The following ARHGEF10L variants were observed in gnomAD, a reference collection of about 807,000 sequenced individuals.
ARHGEF10L encodes rho guanine nucleotide exchange factor 10-like protein.
In ARHGEF10L, 69 loss-of-function variants were observed where a neutral mutation model predicts 141.2. The observed-to-expected ratio is 0.49, with a 90% CI of 0.40 to 0.60. The LOEUF (loss-of-function observed/expected upper bound fraction) is 0.60. Ranked by LOEUF, ARHGEF10L falls within the 20% of genes least tolerant of loss-of-function variation. The pLI is 0.00. For synonymous variants in ARHGEF10L, 711 were observed against 718.5 expected (o/e 0.99, Z 0.17); for missense variants, 1,482 against 1,734.3 (o/e 0.85, Z 2.58).
Position 17,664,348 on chromosome 1 carries a change from T to A in ARHGEF10L, c.2861-99T>A. 4.5e-6 allele frequency: 6 copies of A among 1,334,212 alleles called. No individual in the cohort carries two copies. In the South Asian group the frequency reaches 5.7e-5, roughly 13 times the overall value. 82.6% of individuals were successfully genotyped at this position (1,334,212 alleles called of 1,614,324 possible). On this transcript the variant is annotated intron_variant, in intron 25 of 28. Coordinates refer to ENST00000361221, the MANE Select transcript of ARHGEF10L (RefSeq NM_018125.4). ...AAGGCCCTGGAGAGCGGGGAGAGGG[T>A]GTGGGGGGCCCTGCTGAGCCCCCTG... is the stretch of plus-strand genomic sequence containing the variant.
At chr1:17,547,827 G>A (rs2076970236) in intron 1 of ARHGEF10L, among the ~76,000 whole-genome samples, 1 of 152,140 alleles carries the variant, frequency 6.6e-6, no homozygotes, top group African/African-American at 2.4e-5. Flanking sequence ...CAATATTGTG[G>A]TGCATATCAT....
chr1:17,656,466 G>A lies in ARHGEF10L; in HGVS notation c.2706-88G>A. ...CGTGGCTGAGAGGGGTCAGCTCCCT[G>A]GGGCCCTCTCCCTAGGAGGGCATGG... On this transcript the variant is annotated intron_variant, in intron 24 of 28. Coordinates refer to ENST00000361221, the MANE Select transcript of ARHGEF10L (RefSeq NM_018125.4). The surrounding 1 kb of genome is among the most constrained non-coding windows in gnomAD (Gnocchi z 4.9). The A allele has an allele frequency of 6.8e-7, 1 of 1,477,382 alleles. No homozygotes were observed. The highest frequency in any genetic ancestry group is 9.2e-7 in the Non-Finnish European group (1 of 1,085,922). 91.5% of individuals were successfully genotyped at this position (1,477,382 alleles called of 1,614,324 possible). A position where few individuals can be genotyped will look rare whatever the true frequency, so the allele number is the denominator to read the frequency against.
intron 7 of ARHGEF10L, 113 bp from the exon 8 acceptor site, chr1:17,612,945 G>C (rs531783390): frequency 4.1e-6 from 3 of 726,668 alleles, no homozygotes; most frequent in Non-Finnish European, 7.2e-6. Flanking sequence ...CGAGCTGTCC[G>C]TCCGCACTTT....
chr1:17,656,235 CACCAG>C lies in ARHGEF10L; in HGVS notation c.2705+135_2705+139del. 1 of 1,145,596 alleles carries C rather than the reference CACCAG, an allele frequency of 8.7e-7. No homozygotes were observed. Among genetic ancestry groups the C allele is most frequent in the Non-Finnish European group, 1.2e-6 (1 of 812,750 alleles). The allele number at this position is 1,145,596 out of a possible 1,614,324, so 71.0% of individuals were successfully genotyped here. On this transcript the variant is annotated intron_variant, in intron 24 of 28. Coordinates refer to ENST00000361221, the MANE Select transcript of ARHGEF10L (RefSeq NM_018125.4). This position sits in a 1 kb window ranked among gnomAD's most constrained non-coding sequence, Gnocchi z 4.9. ...TGCCCCTGGTCTCCAGGAAGGTGGG[CACCAG>C]AGCTGCCCAGTGTGGGAGCCAAAGT...
Position 17,640,262 on chromosome 1 carries a change from T to A in ARHGEF10L, c.2232T>A (p.Ile744=), listed in dbSNP as rs1199915155. 6.2e-7 allele frequency: 1 copy of A among 1,613,410 alleles called. No homozygotes were observed. The highest frequency in any genetic ancestry group is 1.7e-5 in the Admixed American group (1 of 59,930). The change falls in exon 21 of 29, where the codon ATT becomes ATA. Residue 744 remains isoleucine (I), a synonymous_variant. Transcript: ENST00000361221. ...VFITPNPLSK[I]SWVNRLHLAK... is the part of the protein sequence containing the mutation. ...TCACCCCCAACCCCCTGAGCAAGAT[T>A]TCCTGGGTCAACAGGTTACATTTGG...
chr1:17,692,776 C>T (rs2102579273), intron 27 of ARHGEF10L, among the ~76,000 whole-genome samples: 1 of 152,378 alleles, frequency 6.6e-6, no homozygotes, highest in East Asian at 1.9e-4. Flanking sequence ...TTATGAGCCC[C>T]AGTCCTGGCC....
intron 4 of ARHGEF10L, among the ~76,000 whole-genome samples, chr1:17,590,995 AC>A (rs1185765490): frequency 6.6e-6 from 1 of 152,198 alleles, no homozygotes; most frequent in Non-Finnish European, 1.5e-5. Context: ...TCAAAAACAA[AC>A]AAACAAAGAA....
chr1:17,535,267 A>G (rs1046000263), upstream of ARHGEF10L, among the ~76,000 whole-genome samples: 1 of 152,162 alleles, frequency 6.6e-6, no homozygotes, highest in Non-Finnish European at 1.5e-5. Flanking sequence ...ATCTAATGCC[A>G]CCATTGCTGA....
chr1:17,675,830 G>T (rs1231905140), intron 26 of ARHGEF10L, among the ~76,000 whole-genome samples: 53 of 150,898 alleles, frequency 3.5e-4, no homozygotes, highest in African/African-American at 1.3e-3. Context: ...GTGGGTACAG[G>T]TGTGTGTTCA....
At position 17,648,648 on chromosome 1, in the gene ARHGEF10L, C is replaced by T; in HGVS notation, c.2367C>T (p.Ala789=). The T allele has an allele frequency of 6.2e-7, 1 of 1,612,918 alleles. No homozygotes were observed. Among genetic ancestry groups the T allele is most frequent in the South Asian group, 1.1e-5 (1 of 91,028 alleles). ...WCPILACCIP[A]FSSRALSLQL... ...CGATCCTGGCCTGCTGCATCCCTGCCTTCTCCTCCCGGGCACTCAGCCTGC... is the reference window on the plus strand; with the variant it reads ...CGATCCTGGCCTGCTGCATCCCTGCTTTCTCCTCCCGGGCACTCAGCCTGC... The change falls in exon 22 of 29, where the codon GCC becomes GCT. Residue 789 remains alanine, a synonymous_variant. Transcript: ENST00000361221.
intron 4 of ARHGEF10L, among the ~76,000 whole-genome samples, chr1:17,593,724 C>T (rs1470085943): frequency 6.6e-6 from 1 of 152,016 alleles, no homozygotes; most frequent in Non-Finnish European, 1.5e-5. Flanking sequence ...GCCTTCTGAC[C>T]TCCACACCTG....
At chr1:17,570,232 A>G (rs978479481) in intron 1 of ARHGEF10L, among the ~76,000 whole-genome samples, 3 of 152,234 alleles carry the variant, frequency 2.0e-5, no homozygotes, top group Non-Finnish European at 2.9e-5. Flanking sequence ...CCACATTCTC[A>G]TAGGAGGAAA....
In ARHGEF10L at chr1:17,619,203, C is replaced by T; in HGVS notation, c.836-136C>T. ...AAGGAGCTACCGGGCGGCTCTAACC[C>T]CACGGGGCCCCAGGAGCTGCTTGCA... On this transcript the variant is annotated intron_variant, in intron 9 of 28. Transcript: ENST00000361221. This position sits in a 1 kb window ranked among gnomAD's most constrained non-coding sequence, Gnocchi z 5.0. 1 of 781,130 alleles carries T rather than the reference C, an allele frequency of 1.3e-6. No homozygotes were observed. The highest frequency in any genetic ancestry group is 2.1e-6 in the Non-Finnish European group (1 of 474,268). 48.4% of individuals were successfully genotyped at this position (781,130 alleles called of 1,614,324 possible).
chr1:17,660,254 C>T (rs544491088), intron 25 of ARHGEF10L, among the ~76,000 whole-genome samples: 10 of 152,256 alleles, frequency 6.6e-5, no homozygotes, highest in African/African-American at 2.4e-4. Flanking sequence ...GGCTGTGGTT[C>T]GGAGTCCCCC....
intron 1 of ARHGEF10L, among the ~76,000 whole-genome samples, chr1:17,546,091 G>A (rs1367327667): frequency 6.6e-6 from 1 of 152,172 alleles, no homozygotes; most frequent in Non-Finnish European, 1.5e-5. Flanking sequence ...GCCAGCAAAG[G>A]AAATCTGACA....
At chr1:17,516,511 TC>T in the ARHGEF10L span, among the ~76,000 whole-genome samples, 6 of 152,160 alleles carry the variant, frequency 3.9e-5, no homozygotes, top group African/African-American at 1.4e-4. Context: ...AGCTCCACAC[TC>T]CCCGTCCCTG....
At chr1:17,652,366 T>A (rs1328588545) in intron 22 of ARHGEF10L, among the ~76,000 whole-genome samples, 1 of 152,194 alleles carries the variant, frequency 6.6e-6, no homozygotes, top group African/African-American at 2.4e-5. Flanking sequence ...AGGGGCCACC[T>A]GCCTTGGATT....
intron 23 of ARHGEF10L, among the ~76,000 whole-genome samples, chr1:17,655,466 T>G (rs1557947588): frequency 1.7e-5 from 2 of 119,056 alleles, no homozygotes; most frequent in Non-Finnish European, 4.1e-5. Flanking sequence ...CATCCATCCA[T>G]CCATCCATCC....
At chr1:17,682,479 GT>G (rs2064202857) in intron 26 of ARHGEF10L, among the ~76,000 whole-genome samples, 1 of 152,160 alleles carries the variant, frequency 6.6e-6, no homozygotes, top group African/African-American at 2.4e-5. Context: ...GGGACCAGGG[GT>G]GTACAGTTGG....
Sources: allele counts gnomAD v4.1 joint callset (sites outside exome capture counted in the v4.1 genomes callset), GRCh38; gene constraint gnomAD v4.1.1; non-coding constraint Gnocchi (gnomAD v3.1); transcripts MANE v1.5; gene names NCBI Gene and HGNC (gene_info 2026-07-23, HGNC 2026-07-21).